The following LRRC4C variants were observed in gnomAD, a reference collection of about 807,000 sequenced individuals.
The protein encoded by LRRC4C is leucine-rich repeat-containing protein 4C.
Under a neutral mutation model 33.6 loss-of-function variants are expected in LRRC4C, and 5 were observed. That is an observed-to-expected ratio of 0.15 (90% CI 0.08 to 0.31). LRRC4C has a LOEUF of 0.31. Among genes scored for constraint, LRRC4C ranks in the 10% least tolerant of loss-of-function variants. The probability of loss-of-function intolerance (pLI) is 1.00; values close to 1 mark genes in which losing one functional copy is unlikely to be tolerated. For synonymous variants in LRRC4C, 329 were observed against 302.0 expected, an observed-to-expected ratio of 1.09 and a Z score of -0.93; for missense variants, 560 against 796.7, an observed-to-expected ratio of 0.70 and a Z score of 3.58.
chr11:40,917,707 T>C lies in LRRC4C; in HGVS notation c.-407+15928A>G, dbSNP rs1247977072. 2.0e-5 allele frequency among the ~76,000 whole-genome samples: 3 copies of C among 152,116 alleles called. No individual in the cohort carries two copies. In the South Asian group the frequency reaches 6.2e-4, roughly 31 times the overall value. ...AAAAAGAGATAACAAAACTACTTAA[T>C]GTGATTTTTGAAATAATTAACCAAA... On this transcript the variant is annotated intron_variant, in intron 2 of 6. Transcript: ENST00000528697.
At chr11:40,436,135 C>A (rs1044823934) in intron 3 of LRRC4C, among the ~76,000 whole-genome samples, 2 of 152,186 alleles carry the variant, frequency 1.3e-5, no homozygotes, top group African/African-American at 4.8e-5. Context: ...CACATCCACA[C>A]TTTATGTATT....
chr11:40,121,738 G>A (rs760711911), intron 6 of LRRC4C, among the ~76,000 whole-genome samples: 1 of 152,196 alleles, frequency 6.6e-6, no homozygotes, highest in Non-Finnish European at 1.5e-5. Flanking sequence ...GTTAGCTAAC[G>A]GAGATGCTTT....
At chr11:40,794,797 C>T (rs1950760905) in intron 2 of LRRC4C, among the ~76,000 whole-genome samples, 2 of 151,498 alleles carry the variant, frequency 1.3e-5, no homozygotes, top group South Asian at 2.1e-4. Flanking sequence ...AACAAGATCA[C>T]GACTCAAAGT....
chr11:41,066,582 CAAG>C (rs1249820569), intron 1 of LRRC4C, among the ~76,000 whole-genome samples: 13 of 152,026 alleles, frequency 8.6e-5, no homozygotes, highest in African/African-American at 3.1e-4. Context: ...AGATACTCCA[CAAG>C]AAGATCAACC....
chr11:41,230,896 A>G (rs1461984305), intron 1 of LRRC4C, among the ~76,000 whole-genome samples: 1 of 142,544 alleles, frequency 7.0e-6, no homozygotes, highest in East Asian at 2.0e-4. Context: ...AAAGAACTCA[A>G]ACAAATTTAC....
chr11:40,551,425 G>A (rs191015473), intron 3 of LRRC4C, among the ~76,000 whole-genome samples: 9 of 152,158 alleles, frequency 5.9e-5, no homozygotes, highest in African/African-American at 2.2e-4. Flanking sequence ...AATAGAAAAA[G>A]TCATATTTAA....
intron 4 of LRRC4C, among the ~76,000 whole-genome samples, chr11:40,301,507 C>A (rs532540229): frequency 6.6e-6 from 1 of 152,180 alleles, no homozygotes; most frequent in Non-Finnish European, 1.5e-5. Flanking sequence ...ACAGCTAAAT[C>A]AGCACTTGAT....
chr11:41,312,206 G>A (rs1365304577), intron 1 of LRRC4C, among the ~76,000 whole-genome samples: 1 of 152,020 alleles, frequency 6.6e-6, no homozygotes, highest in Non-Finnish European at 1.5e-5. Flanking sequence ...CATACCCTCT[G>A]CCTACCTAAG....
In LRRC4C at chr11:40,121,859, C is replaced by T. The variant is rs140215342; in HGVS notation, c.-42-5525G>A. 3.9e-4 allele frequency among the ~76,000 whole-genome samples: 59 copies of T among 152,292 alleles called. 1 individual carries two copies. The highest frequency in any genetic ancestry group is 1.4e-3 in the African/African-American group (57 of 41,566). On this transcript the variant is annotated intron_variant, in intron 6 of 6. Transcript: ENST00000528697. ...TCAGTTAACCACAACTGTACCTCTT[C>T]TTTCCCTTCTCACATTATCCTTAAC...
intron 2 of LRRC4C, among the ~76,000 whole-genome samples, chr11:40,710,594 G>C (rs1026848878): frequency 6.6e-6 from 1 of 152,178 alleles, no homozygotes; most frequent in Non-Finnish European, 1.5e-5. Context: ...CTTAGTCTCA[G>C]AGGGGCACCC....
At chr11:40,514,689 C>T (rs1441782721) in intron 3 of LRRC4C, among the ~76,000 whole-genome samples, 1 of 152,014 alleles carries the variant, frequency 6.6e-6, no homozygotes, top group Non-Finnish European at 1.5e-5. Context: ...CCATCAACCT[C>T]CCTTATATGT....
In LRRC4C at chr11:40,131,956, T is replaced by C. The variant is rs531339567; in HGVS notation, c.-43+8845A>G. Among the ~76,000 whole-genome samples, 5 of 152,344 alleles carry C rather than the reference T, an allele frequency of 3.3e-5. No homozygotes were observed. The East Asian group carries it at 9.6e-4, about 29-fold the overall frequency. On this transcript the variant is annotated intron_variant, in intron 6 of 6. Transcript: ENST00000528697. ...ATTGTACAGTACCATCATGGGTTCCTAAGAAGTTTATTAATGGGTTTCAAA... is the reference window on the plus strand; with the variant it reads ...ATTGTACAGTACCATCATGGGTTCCCAAGAAGTTTATTAATGGGTTTCAAA...
intron 2 of LRRC4C, among the ~76,000 whole-genome samples, chr11:40,893,309 T>A (rs1955801389): frequency 1.3e-5 from 2 of 152,086 alleles, no homozygotes; most frequent in Non-Finnish European, 2.9e-5. Context: ...CCATCTAGTA[T>A]TTCATAGCAC....
chr11:40,923,362 T>C (rs1002920114), intron 2 of LRRC4C, among the ~76,000 whole-genome samples: 1 of 152,214 alleles, frequency 6.6e-6, no homozygotes. Flanking sequence ...TGTTCTTTTT[T>C]CCAGAAAAGT....
chr11:40,992,662 C>T (rs550945874), intron 1 of LRRC4C, among the ~76,000 whole-genome samples: 4 of 152,252 alleles, frequency 2.6e-5, no homozygotes, highest in African/African-American at 9.6e-5. Flanking sequence ...ATCCTGGTAA[C>T]ATGCTCTGAA....
intron 3 of LRRC4C, among the ~76,000 whole-genome samples, chr11:40,444,489 G>A (rs1357343737): frequency 6.6e-6 from 1 of 151,508 alleles, no homozygotes; most frequent in Non-Finnish European, 1.5e-5. Context: ...TGATTAATGT[G>A]TGCTGAGTTT....
intron 3 of LRRC4C, among the ~76,000 whole-genome samples, chr11:40,526,732 G>A (rs1400129626): frequency 6.6e-6 from 1 of 152,106 alleles, no homozygotes; most frequent in Non-Finnish European, 1.5e-5. Flanking sequence ...CAAAAGACAT[G>A]TATAAGAATG....
intron 2 of LRRC4C, among the ~76,000 whole-genome samples, chr11:40,745,420 A>T (rs1355883359): frequency 6.6e-6 from 1 of 152,212 alleles, no homozygotes; most frequent in Admixed American, 6.5e-5. Context: ...GTATGATTAT[A>T]CTATGAGAAC....
intron 3 of LRRC4C, among the ~76,000 whole-genome samples, chr11:40,577,798 G>A (rs1016154758): frequency 6.7e-6 from 1 of 149,912 alleles, no homozygotes; most frequent in Admixed American, 6.6e-5. Context: ...AACCCTCCAA[G>A]ACTGGATTTT....
Sources: gnomAD v4.1 joint callset for allele counts (sites outside exome capture counted in the v4.1 genomes callset) on GRCh38, gnomAD v4.1.1 for gene constraint, MANE v1.5 for transcripts, NCBI Gene and HGNC (gene_info 2026-07-23, HGNC 2026-07-21) for gene names.